PI4KA: variants seen among roughly 807,000 people sequenced by gnomAD.
The protein encoded by PI4KA is PI4-kinase alpha.
PI4KA carries 122 observed loss-of-function variants against 271.4 expected under a neutral mutation model. The observed-to-expected ratio is 0.45, with a 90% CI of 0.39 to 0.52. The LOEUF (loss-of-function observed/expected upper bound fraction) is 0.52, where lower values mean the gene tolerates loss of function less well. PI4KA is among the 20% of genes least tolerant of loss of function. PI4KA has a pLI of 0.00. For synonymous variants in PI4KA, 1,041 were observed against 1,078.8 expected (o/e 0.96, Z 0.69); for missense variants, 1,969 against 2,769.1 (o/e 0.71, Z 6.48).
chr22:20,804,986 T>C lies in PI4KA; in HGVS notation c.1348A>G (p.Lys450Glu). The C allele has an allele frequency of 6.2e-7, 1 of 1,613,088 alleles. No individual in the cohort carries two copies. Among genetic ancestry groups the C allele is most frequent in the Non-Finnish European group, 8.5e-7 (1 of 1,179,314 alleles). Residue 450 changes from lysine to glutamate, a missense_variant, in exon 11 of 55, where the codon AAG becomes GAG. By Grantham distance (56) the Lys-to-Glu change is moderately conservative. This residue lies in a region of PI4KA where 14 missense variants were observed against 34.0 expected (regional missense o/e 0.41). Coordinates refer to ENST00000255882, the MANE Select transcript of PI4KA (RefSeq NM_058004.4). The stretch of plus-strand genomic sequence containing the variant: ...CAGTCTGTCTCACCCTGCTCGTCCT[T>C]CACAGCCCACACCATGAGGTCCACA... The part of the protein sequence containing the change: ...ACVDLMVWAV[K>E]DEQGAENLCI...
At chr22:20,825,576 CAGACAGAGTG>C (rs1449555884) in intron 3 of PI4KA, among the ~76,000 whole-genome samples, 1 of 152,036 alleles carries the variant, frequency 6.6e-6, no homozygotes, top group Admixed American at 6.6e-5. Context: ...GCTTGGAGTG[CAGACAGAGTG>C]AGACTGTCTC....
intron 23 of PI4KA, among the ~76,000 whole-genome samples, chr22:20,757,267 G>A (rs1931413680): frequency 6.6e-6 from 1 of 152,182 alleles, no homozygotes; most frequent in Admixed American, 6.5e-5. Flanking sequence ...ACACTCAATA[G>A]CTGTACATTT....
At chr22:20,768,290 T>C (rs1033702368) in intron 19 of PI4KA, among the ~76,000 whole-genome samples, 3 of 152,102 alleles carry the variant, frequency 2.0e-5, no homozygotes, top group African/African-American at 4.8e-5. Flanking sequence ...CAGGGTGGTA[T>C]TAAACTCCTA....
chr22:20,766,781 G>A (rs1010632746), intron 19 of PI4KA, among the ~76,000 whole-genome samples: 2 of 152,172 alleles, frequency 1.3e-5, no homozygotes, highest in East Asian at 3.9e-4. Context: ...GTAAGCGGGG[G>A]CTTTGCTACC....
At chr22:20,764,634 T>G in intron 22 of PI4KA, 183 bp downstream of exon 22, 2 of 551,854 alleles carry the variant, frequency 3.6e-6, no homozygotes, top group African/African-American at 1.9e-5. Context: ...TTACTATACG[T>G]GGTGTCTGGT....
At chr22:20,769,789 C>A (rs1041365925) in intron 19 of PI4KA, among the ~76,000 whole-genome samples, 8 of 151,920 alleles carry the variant, frequency 5.3e-5, no homozygotes, top group African/African-American at 1.7e-4. Context: ...AAATTAAAAA[C>A]CCATAAAATA....
At chr22:20,784,490 T>TA (rs1201892487) in intron 19 of PI4KA, among the ~76,000 whole-genome samples, 6 of 152,276 alleles carry the variant, frequency 3.9e-5, no homozygotes, top group Admixed American at 2.0e-4. Flanking sequence ...GCAGATGACT[T>TA]AGAGACAGCT....
At chr22:20,781,705 G>GAC (rs1221189493) in intron 19 of PI4KA, among the ~76,000 whole-genome samples, 3 of 152,234 alleles carry the variant, frequency 2.0e-5, no homozygotes, top group Admixed American at 6.5e-5. Flanking sequence ...GCTTGCGGCA[G>GAC]ACACACACAC....
intron 18 of PI4KA, 53 bp downstream of exon 18, chr22:20,796,093 G>T: frequency 6.5e-7 from 1 of 1,534,398 alleles, no homozygotes; most frequent in Non-Finnish European, 9.0e-7. Flanking sequence ...ACTAAGCCTT[G>T]GCCAGCAGGG....
At chr22:20,746,096 TC>T (rs1930058397) in intron 29 of PI4KA, among the ~76,000 whole-genome samples, 1 of 125,858 alleles carries the variant, frequency 7.9e-6, no homozygotes, top group African/African-American at 3.0e-5. Context: ...GGAGTCTTGC[TC>T]TGTTGCCCAG....
intron 19 of PI4KA, among the ~76,000 whole-genome samples, chr22:20,772,262 C>T (rs989510436): frequency 2.0e-5 from 3 of 152,192 alleles, no homozygotes; most frequent in African/African-American, 2.4e-5. Flanking sequence ...AAACCAAGAG[C>T]GAACAGTGAG....
At chr22:20,817,632 G>A in intron 7 of PI4KA, among the ~76,000 whole-genome samples, 1 of 149,052 alleles carries the variant, frequency 6.7e-6, no homozygotes, top group Non-Finnish European at 1.5e-5. Flanking sequence ...TACTTGGGAG[G>A]CTGAGGTGGG....
chr22:20,836,285 A>T (rs1601596775), intron 2 of PI4KA, among the ~76,000 whole-genome samples: 1 of 152,206 alleles, frequency 6.6e-6, no homozygotes, highest in African/African-American at 2.4e-5. Flanking sequence ...CAGATTCACG[A>T]ATCAAACAAA....
chr22:20,804,502 A>T, intron 11 of PI4KA, 102 bp from the exon 12 acceptor site: 1 of 818,010 alleles, frequency 1.2e-6, no homozygotes, highest in Non-Finnish European at 2.1e-6. Context: ...AACCCCAGAG[A>T]CATACTTTAG....
At chr22:20,785,140 G>A (rs1006862436) in intron 19 of PI4KA, among the ~76,000 whole-genome samples, 1 of 150,700 alleles carries the variant, frequency 6.6e-6, no homozygotes, top group Non-Finnish European at 1.5e-5. Flanking sequence ...CATCATCATG[G>A]CTCACTGCAG....
At chr22:20,739,460 T>C (rs2147274335) in intron 32 of PI4KA, among the ~76,000 whole-genome samples, 1 of 147,466 alleles carries the variant, frequency 6.8e-6, no homozygotes, top group African/African-American at 2.5e-5. Context: ...ATAGCAAGAC[T>C]GTCTTCAGGA....
intron 23 of PI4KA, among the ~76,000 whole-genome samples, chr22:20,755,595 G>A (rs1004131054): frequency 3.3e-5 from 5 of 152,136 alleles, no homozygotes; most frequent in Non-Finnish European, 5.9e-5. Context: ...GAGGTCAGGA[G>A]TTTGAGACCA....
At chr22:20,766,011 T>C (rs1380822808) in intron 19 of PI4KA, among the ~76,000 whole-genome samples, 1 of 152,124 alleles carries the variant, frequency 6.6e-6, no homozygotes, top group Non-Finnish European at 1.5e-5. Flanking sequence ...GAAAGTGTCA[T>C]GGGTCTCAGA....
At chr22:20,785,070 T>C (rs1934113438) in intron 19 of PI4KA, among the ~76,000 whole-genome samples, 1 of 149,026 alleles carries the variant, frequency 6.7e-6, no homozygotes, top group South Asian at 2.1e-4. Context: ...ACTGCATCTT[T>C]TTTTTTTTTT....
Sources: allele counts gnomAD v4.1 joint callset (sites outside exome capture counted in the v4.1 genomes callset), GRCh38; gene constraint gnomAD v4.1.1; regional missense constraint gnomAD v4.1.1; transcripts MANE v1.5; gene names NCBI Gene and HGNC (gene_info 2026-07-23, HGNC 2026-07-21).